Variants in ABCB1 observed in about 807,000 individuals in gnomAD.
ABCB1 encodes ATP-dependent translocase ABCB1.
Under a neutral mutation model 142.0 loss-of-function variants are expected in ABCB1, and 69 were observed. The ratio of observed to expected loss-of-function variants is 0.49; its 90% CI spans 0.40 to 0.59. ABCB1 has a LOEUF of 0.59. Among genes scored for constraint, ABCB1 ranks in the 20% least tolerant of loss-of-function variants. ABCB1 has a pLI of 0.00. For missense variants in ABCB1, 1,326 were observed against 1,554.7 expected, an observed-to-expected ratio of 0.85 and a Z score of 2.47; for synonymous variants, 532 against 539.2, an observed-to-expected ratio of 0.99 and a Z score of 0.18.
At chr7:87,652,962 A>G (rs916913307) in intron 1 of ABCB1, among the ~76,000 whole-genome samples, 1 of 151,972 alleles carries the variant, frequency 6.6e-6, no homozygotes, top group Admixed American at 6.6e-5. Context: ...TCAACATTAA[A>G]CTTTTCCAGA....
chr7:87,551,583 TGGGTTCAGACAACCCTCTCACCTCA>T (rs1404501450), intron 9 of ABCB1, among the ~76,000 whole-genome samples: 1 of 152,132 alleles, frequency 6.6e-6, no homozygotes, highest in Non-Finnish European at 1.5e-5. Context: ...CTTCAACCTC[TGGGTTCAGACAACCCTCTCACCTCA>T]GTCTCCGAAG....
intron 1 of ABCB1, among the ~76,000 whole-genome samples, chr7:87,669,679 C>T (rs1825639318): frequency 6.6e-6 from 1 of 152,134 alleles, no homozygotes; most frequent in Admixed American, 6.5e-5. Context: ...TAATGGATTC[C>T]CTCAAGAGTT....
chr7:87,542,202 C>A (rs754840001), intron 17 of ABCB1, among the ~76,000 whole-genome samples: 2 of 152,094 alleles, frequency 1.3e-5, no homozygotes, highest in East Asian at 3.9e-4. Context: ...ATAACAACAA[C>A]AACAAGGATT....
chr7:87,621,734 T>C (rs1335471130), intron 1 of ABCB1, among the ~76,000 whole-genome samples: 2 of 152,136 alleles, frequency 1.3e-5, no homozygotes, highest in Non-Finnish European at 2.9e-5. Context: ...TAAACTGATT[T>C]AGGTAAAATT....
At chr7:87,659,220 G>A (rs762082602) in intron 1 of ABCB1, 10 of 429,154 alleles carry the variant, frequency 2.3e-5, no homozygotes, top group African/African-American at 4.1e-5. Context: ...CAGTAAACAA[G>A]AATATGGGTA....
chr7:87,521,451 C>T (rs1584842552), intron 21 of ABCB1: 2 of 705,896 alleles, frequency 2.8e-6, no homozygotes, highest in East Asian at 2.5e-5. Flanking sequence ...TCTCTCTTTC[C>T]CCTGCCGTCA....
intron 1 of ABCB1, among the ~76,000 whole-genome samples, chr7:87,637,579 A>T (rs2130256242): frequency 6.6e-6 from 1 of 152,238 alleles, no homozygotes; most frequent in South Asian, 2.1e-4. Context: ...ATGTTTAAAT[A>T]TTCTAGAATT....
At chr7:87,533,313 A>G (rs1462101319) in intron 20 of ABCB1, among the ~76,000 whole-genome samples, 2 of 152,146 alleles carry the variant, frequency 1.3e-5, no homozygotes, top group African/African-American at 4.8e-5. Flanking sequence ...TTGTGAGAGA[A>G]GCTCTTAGAA....
chr7:87,703,252 A>AT (rs60249776), intron 1 of ABCB1, among the ~76,000 whole-genome samples: 81 of 149,848 alleles, frequency 5.4e-4, no homozygotes, highest in African/African-American at 1.4e-3. Context: ...TTTATTTAGG[A>AT]TTTTTTTTTT....
intron 1 of ABCB1, among the ~76,000 whole-genome samples, chr7:87,668,460 G>GTT (rs28746488): frequency 3.3e-5 from 5 of 151,128 alleles, no homozygotes; most frequent in African/African-American, 1.2e-4. Flanking sequence ...TCTTTTGATT[G>GTT]TTTTTTTTGT....
chr7:87,515,865 G>T (rs1372545839), intron 24 of ABCB1, among the ~76,000 whole-genome samples: 1 of 152,046 alleles, frequency 6.6e-6, no homozygotes, highest in Admixed American at 6.5e-5. Flanking sequence ...CCAAAGTGCT[G>T]GGATTACAGG....
At chr7:87,636,244 C>T (rs1467569496) in intron 1 of ABCB1, among the ~76,000 whole-genome samples, 1 of 152,094 alleles carries the variant, frequency 6.6e-6, no homozygotes, top group Non-Finnish European at 1.5e-5. Flanking sequence ...TAATGCTTGA[C>T]ATTTTCTTTC....
At chr7:87,590,452 G>A (rs1448870234) in intron 3 of ABCB1, among the ~76,000 whole-genome samples, 3 of 152,226 alleles carry the variant, frequency 2.0e-5, no homozygotes, top group African/African-American at 7.2e-5. Context: ...TACATGGTAT[G>A]ACACAGAGAC....
At position 87,504,548 on chromosome 7, in the gene ABCB1, C is replaced by T. The variant is rs528059038; in HGVS notation, c.3637-99G>A. 3 of 1,505,264 alleles carry T rather than the reference C, an allele frequency of 2.0e-6. No individual in the cohort carries two copies. The South Asian group carries it at 3.6e-5, about 18-fold the overall frequency. The allele number at this position is 1,505,264 out of a possible 1,614,324, so 93.2% of individuals were successfully genotyped here. A position where few individuals can be genotyped will look rare whatever the true frequency, so the allele number is the denominator to read the frequency against. On this transcript the variant is annotated intron_variant, in intron 27 of 27. Transcript: ENST00000622132. ...AGTAGGACGGGCATGGTGGCTCACGCCTGTAATCCCAGCACTTTGGGAGGC... is the reference window on the plus strand; with the variant it reads ...AGTAGGACGGGCATGGTGGCTCACGTCTGTAATCCCAGCACTTTGGGAGGC...
At chr7:87,617,662 C>T (rs886917742) in intron 1 of ABCB1, among the ~76,000 whole-genome samples, 5 of 152,172 alleles carry the variant, frequency 3.3e-5, no homozygotes, top group Non-Finnish European at 7.4e-5. Flanking sequence ...AGAAATCTTG[C>T]ATTCGGAGTG....
chr7:87,607,888 AT>A (rs1183970823), intron 1 of ABCB1, among the ~76,000 whole-genome samples: 5 of 152,182 alleles, frequency 3.3e-5, no homozygotes, highest in African/African-American at 4.8e-5. Flanking sequence ...GATTAGGATA[AT>A]TTTAGCATAT....
Position 87,700,347 on chromosome 7 carries a change from T to G in ABCB1, c.-331+12814A>C, listed in dbSNP as rs893443681. 3.1e-6 allele frequency: 4 copies of G among 1,276,628 alleles called. No homozygotes were observed. The African/African-American group carries it at 6.0e-5, about 19-fold the overall frequency. 79.1% of individuals were successfully genotyped at this position (1,276,628 alleles called of 1,614,324 possible). A position where few individuals can be genotyped will look rare whatever the true frequency, so the allele number is the denominator to read the frequency against. On this transcript the variant is annotated intron_variant, in intron 1 of 28. Coordinates refer to the ABCB1 transcript ENST00000265724. ...TATATTACCTTTATTTTTCAGAATT[T>G]TATTGTTCTTGCATTTTCAAGTCTA...
chr7:87,626,585 CAT>C (rs1295625469), intron 1 of ABCB1, among the ~76,000 whole-genome samples: 19 of 7,854 alleles, frequency 2.4e-3, no homozygotes, highest in South Asian at 9.8e-3. Context: ...ATATATGTGT[CAT>C]ATATATGTGT....
intron 25 of ABCB1, among the ~76,000 whole-genome samples, 190 bp from the exon 26 acceptor site, chr7:87,509,671 G>C (rs1433884827): frequency 5.3e-5 from 8 of 152,196 alleles, no homozygotes; most frequent in Non-Finnish European, 7.3e-5. Flanking sequence ...GAACTGTCAT[G>C]TTTCCTGTGT....
Sources: allele counts gnomAD v4.1 joint callset (sites outside exome capture counted in the v4.1 genomes callset), GRCh38; gene constraint gnomAD v4.1.1; transcripts MANE v1.5; gene names NCBI Gene and HGNC (gene_info 2026-07-23, HGNC 2026-07-21).